Variants in VPS36 observed in about 807,000 individuals in gnomAD.
VPS36 encodes the protein vacuolar protein sorting 36 homolog.
Under a neutral mutation model 63.5 loss-of-function variants are expected in VPS36, and 31 were observed. The ratio of observed to expected loss-of-function variants is 0.49; its 90% confidence interval spans 0.37 to 0.66. The LOEUF (loss-of-function observed/expected upper bound fraction) is 0.66, where lower values mean the gene tolerates loss of function less well. Ranked by LOEUF, VPS36 falls within the 30% of genes least tolerant of loss-of-function variation. The pLI, the probability that VPS36 is intolerant of heterozygous loss-of-function variation, is 0.00. For missense variants in VPS36, 338 were observed against 463.7 expected (o/e 0.73, Z 2.49); for synonymous variants, 138 against 157.2 (o/e 0.88, Z 0.91).
chr13:52,435,855 CAGA>C, intron 4 of VPS36: 1 of 153,870 alleles, frequency 6.5e-6, no homozygotes, highest in Admixed American at 6.5e-5. Context: ...TATTATACTG[CAGA>C]ATAAGTACTT....
intron 1 of VPS36, chr13:52,450,014 A>C: frequency 1.0e-6 from 1 of 986,246 alleles, no homozygotes; most frequent in Non-Finnish European, 1.2e-6. Context: ...GTCCAAGCTA[A>C]AGCTTCCGCT....
In VPS36 at chr13:52,414,878, A is replaced by G. The variant is rs1957979324; in HGVS notation, c.*952T>C. 6.6e-6 allele frequency: 1 copy of G among 152,260 alleles called. No individual in the cohort carries two copies. The highest frequency in any genetic ancestry group is 1.5e-5 in the Non-Finnish European group (1 of 68,046). 9.4% of individuals were successfully genotyped at this position (152,260 alleles called of 1,614,324 possible). ...AGCCAGTTGTTGTTATCTCAGTAAC[A>G]TTTCTTACCGAAGTAGTTTTTCCAC... On this transcript the variant is annotated 3_prime_UTR_variant, in exon 14 of 14. Transcript: ENST00000378060.
At chr13:52,439,442 A>T (rs938509338) in intron 2 of VPS36, among the ~76,000 whole-genome samples, 2 of 151,094 alleles carry the variant, frequency 1.3e-5, no homozygotes, top group African/African-American at 2.5e-5. Flanking sequence ...TATTATTATT[A>T]TTTTTTAATT....
chr13:52,446,844 T>C (rs1012735040), intron 1 of VPS36, among the ~76,000 whole-genome samples: 5 of 151,930 alleles, frequency 3.3e-5, no homozygotes, highest in Non-Finnish European at 7.4e-5. Context: ...CAGCCTATCA[T>C]TGGCAATTCC....
Position 52,415,801 on chromosome 13 carries a change from G to A in VPS36, c.*29C>T. The A allele has an allele frequency of 6.2e-7, 1 of 1,604,520 alleles. No homozygotes were observed. The highest frequency in any genetic ancestry group is 1.7e-5 in the Admixed American group (1 of 59,516). On this transcript the variant is annotated 3_prime_UTR_variant, in exon 14 of 14. Coordinates refer to ENST00000378060, the MANE Select transcript of VPS36 (RefSeq NM_016075.4). Reference sequence around the variant, plus strand: ...CAACCTCTACATGACGCAAGCATATGGACAAAAAGGATTTTAAATACAAAA... The same window carrying A: ...CAACCTCTACATGACGCAAGCATATAGACAAAAAGGATTTTAAATACAAAA...
At chr13:52,417,588 G>A (rs913610077) in intron 11 of VPS36, among the ~76,000 whole-genome samples, 29 of 152,270 alleles carry the variant, frequency 1.9e-4, no homozygotes, top group Admixed American at 6.5e-4. Context: ...TCGAACTCCC[G>A]ACCTCAGGTG....
Position 52,436,422 on chromosome 13 carries a change from G to A in VPS36, c.237-18C>T. 6.6e-7 allele frequency: 1 copy of A among 1,510,858 alleles called. No homozygotes were observed. Among genetic ancestry groups the A allele is most frequent in the South Asian group, 1.2e-5 (1 of 85,856 alleles). 93.6% of individuals were successfully genotyped at this position (1,510,858 alleles called of 1,614,324 possible). On this transcript the variant is annotated intron_variant, in intron 3 of 13. Transcript: ENST00000378060. ...TTTTGGCACTGAAGAAAGAACAAAT[G>A]TAATATATTGAATTGTCTTTCAAAA... is the stretch of plus-strand genomic sequence containing the variant.
At chr13:52,450,229 G>C (rs1310153562) in intron 1 of VPS36, 3 of 1,086,264 alleles carry the variant, frequency 2.8e-6, no homozygotes, top group Non-Finnish European at 3.3e-6. Flanking sequence ...CATTCCGGGC[G>C]GAGGGAAGCG....
chr13:52,445,578 G>T (rs1415357061), intron 1 of VPS36, among the ~76,000 whole-genome samples: 1 of 146,102 alleles, frequency 6.8e-6, no homozygotes, highest in African/African-American at 2.6e-5. Context: ...GGTGGAGCTT[G>T]CAGAGAGCTG....
chr13:52,442,406 G>A lies in VPS36; in HGVS notation c.136C>T (p.Arg46Ter), dbSNP rs1056739271. Residue 46 changes from arginine (R) to a stop codon, truncating the protein, a stop_gained, in exon 2 of 14, where the codon CGA (arginine) becomes TGA (stop). Transcript: ENST00000378060. LOFTEE classifies it high-confidence loss of function. ...TTTTTCTGATCTCTCCAAATCAGTC[G>A]GTGTGTACTAAGAAGGAGAGTCCCA... The part of the protein sequence containing the change: ...DAGTLLLSTH[R>*]LIWRDQKNHE... The A allele has an allele frequency of 3.1e-6, 5 of 1,611,982 alleles. No individual in the cohort carries two copies. The highest frequency in any genetic ancestry group is 1.7e-5 in the Admixed American group (1 of 59,554).
At chr13:52,441,309 T>C (rs1958273720) in intron 2 of VPS36, among the ~76,000 whole-genome samples, 1 of 152,142 alleles carries the variant, frequency 6.6e-6, no homozygotes, top group Admixed American at 6.5e-5. Flanking sequence ...CACAGGGGTC[T>C]GGGGGAACAA....
chr13:52,441,747 A>G (rs896202369), intron 2 of VPS36, among the ~76,000 whole-genome samples: 2 of 151,796 alleles, frequency 1.3e-5, no homozygotes, highest in African/African-American at 2.4e-5. Context: ...GCGAGACTCC[A>G]TCTCAAAAAA....
intron 10 of VPS36, among the ~76,000 whole-genome samples, chr13:52,420,272 C>A (rs188834523): frequency 1.1e-3 from 165 of 151,474 alleles, no homozygotes; most frequent in Non-Finnish European, 1.7e-3. Context: ...TAAGATATAG[C>A]ATTCAGTAGT....
chr13:52,442,105 A>G (rs1958285061), intron 2 of VPS36, among the ~76,000 whole-genome samples: 1 of 152,234 alleles, frequency 6.6e-6, no homozygotes, highest in African/African-American at 2.4e-5. Flanking sequence ...TACATGGGAC[A>G]CACTCTTTTG....
chr13:52,423,494 C>T (rs568143525), intron 10 of VPS36, 80 bp downstream of exon 10: 3 of 1,254,444 alleles, frequency 2.4e-6, no homozygotes, highest in African/African-American at 2.9e-5. Flanking sequence ...TATTCACAAC[C>T]CTTCCTCAAA....
chr13:52,442,618 T>G (rs193092163), intron 1 of VPS36, among the ~76,000 whole-genome samples, 173 bp from the exon 2 acceptor site: 31 of 152,350 alleles, frequency 2.0e-4, no homozygotes, highest in Admixed American at 9.8e-4. Flanking sequence ...ATAAGCTATT[T>G]GTATAGTCTT....
intron 6 of VPS36, among the ~76,000 whole-genome samples, chr13:52,432,027 C>G (rs1255421564): frequency 6.6e-6 from 1 of 152,036 alleles, no homozygotes; most frequent in Non-Finnish European, 1.5e-5. Context: ...ATATGCTAAA[C>G]TCCATGAATT....
At chr13:52,423,347 C>G (rs1958064123) in intron 10 of VPS36, among the ~76,000 whole-genome samples, 1 of 152,068 alleles carries the variant, frequency 6.6e-6, no homozygotes, top group Admixed American at 6.6e-5. Context: ...AGAAGGAAAA[C>G]TGAGTCTCAG....
chr13:52,443,147 A>G (rs565917900), intron 1 of VPS36, among the ~76,000 whole-genome samples: 12 of 152,330 alleles, frequency 7.9e-5, no homozygotes, highest in African/African-American at 2.9e-4. Context: ...ACCTAATACA[A>G]TGCACCAAAA....
Sources: allele counts gnomAD v4.1 joint callset (sites outside exome capture counted in the v4.1 genomes callset), GRCh38; gene constraint gnomAD v4.1.1; transcripts MANE v1.5; gene names NCBI Gene and HGNC (gene_info 2026-07-23, HGNC 2026-07-21).